Variants in PHF24 observed in about 807,000 individuals in gnomAD.
The protein encoded by PHF24 is Galpha inhibitory interacting protein.
PHF24 carries 25 observed loss-of-function variants against 42.6 expected under a neutral mutation model. The observed-to-expected ratio is 0.59, with a 90% confidence interval of 0.43 to 0.82. The LOEUF (loss-of-function observed/expected upper bound fraction) is 0.82. Ranked by LOEUF, PHF24 falls within the 40% of genes least tolerant of loss-of-function variation. The pLI, the probability that PHF24 is intolerant of heterozygous loss-of-function variation, is 0.00. For missense variants in PHF24, 470 were observed against 538.1 expected (o/e 0.87, Z 1.25); for synonymous variants, 185 against 204.8 (o/e 0.90, Z 0.83).
the PHF24 span, among the ~76,000 whole-genome samples, chr9:34,703,929 T>G: frequency 2.0e-5 from 3 of 152,066 alleles, no homozygotes; most frequent in African/African-American, 2.4e-5. Context: ...TGTTTTTCAC[T>G]GCAGCCTCGA....
chr9:34,678,120 T>A, the PHF24 span: 1 of 152,162 alleles, frequency 6.6e-6, no homozygotes, highest in Non-Finnish European at 1.5e-5. Context: ...AAAGAGAGAC[T>A]GGCCTAGCCT....
At chr9:34,835,495 G>A in the PHF24 span, 1 of 1,551,956 alleles carries the variant, frequency 6.4e-7, no homozygotes, top group Non-Finnish European at 8.7e-7. Context: ...GATGCATCCG[G>A]TTCAGGGTTT....
At chr9:34,699,583 G>A in the PHF24 span, among the ~76,000 whole-genome samples, 30 of 152,256 alleles carry the variant, frequency 2.0e-4, no homozygotes, top group East Asian at 1.9e-3. Flanking sequence ...TGACACAATC[G>A]TATAGTGCAA....
upstream of PHF24, among the ~76,000 whole-genome samples, chr9:34,956,690 A>G (rs1826381886): frequency 6.6e-6 from 1 of 152,262 alleles, no homozygotes; most frequent in African/African-American, 2.4e-5. Flanking sequence ...AGAGAAGTCT[A>G]TCTGTGAAAC....
At chr9:34,874,547 G>C in the PHF24 span, among the ~76,000 whole-genome samples, 1 of 151,970 alleles carries the variant, frequency 6.6e-6, no homozygotes, top group South Asian at 2.1e-4. Flanking sequence ...GATTGACTCT[G>C]TTTTTTTCTC....
At chr9:34,791,992 A>C in the PHF24 span, among the ~76,000 whole-genome samples, 1 of 152,224 alleles carries the variant, frequency 6.6e-6, no homozygotes, top group Non-Finnish European at 1.5e-5. Context: ...TAAAGGAAGC[A>C]CTTTTGTGTT....
At chr9:34,915,417 T>TC in the PHF24 span, among the ~76,000 whole-genome samples, 1 of 152,030 alleles carries the variant, frequency 6.6e-6, no homozygotes, top group African/African-American at 2.4e-5. Flanking sequence ...CTTTTTTTTT[T>TC]TTCATCCTTG....
the PHF24 span, among the ~76,000 whole-genome samples, chr9:34,719,241 G>A: frequency 6.6e-5 from 10 of 152,170 alleles, no homozygotes; most frequent in African/African-American, 1.4e-4. Context: ...GTTTCACTAC[G>A]TTGGCCAGAT....
chr9:34,753,933 T>C, the PHF24 span, among the ~76,000 whole-genome samples: 6 of 152,144 alleles, frequency 3.9e-5, no homozygotes, highest in Admixed American at 3.3e-4. Context: ...TGGAAATCCA[T>C]ATGCAGAAGA....
chr9:34,768,720 A>C, the PHF24 span, among the ~76,000 whole-genome samples: 1 of 152,196 alleles, frequency 6.6e-6, no homozygotes, highest in Non-Finnish European at 1.5e-5. Flanking sequence ...CTTGCTCTTC[A>C]TTGCCTTTGT....
the PHF24 span, among the ~76,000 whole-genome samples, chr9:34,827,312 C>G: frequency 6.6e-6 from 1 of 152,190 alleles, no homozygotes; most frequent in Non-Finnish European, 1.5e-5. Context: ...ACAAGACCTC[C>G]TTTGATCTTT....
the PHF24 span, chr9:34,724,100 T>C: frequency 6.5e-7 from 1 of 1,528,816 alleles, no homozygotes; most frequent in Non-Finnish European, 8.8e-7. Context: ...GTCCTCTCTG[T>C]TTCCTGCTAG....
chr9:34,681,331 C>G, the PHF24 span: 1 of 152,176 alleles, frequency 6.6e-6, no homozygotes, highest in East Asian at 1.9e-4. Flanking sequence ...GTGGTGGTTA[C>G]CAGGTGTTAG....
At chr9:34,966,297 T>G (rs1826764962) in intron 1 of PHF24, among the ~76,000 whole-genome samples, 1 of 152,152 alleles carries the variant, frequency 6.6e-6, no homozygotes, top group Non-Finnish European at 1.5e-5. Flanking sequence ...GTTTAAAAAA[T>G]TAAATCAAGC....
chr9:34,893,665 C>T, the PHF24 span, among the ~76,000 whole-genome samples: 8 of 151,886 alleles, frequency 5.3e-5, no homozygotes, highest in South Asian at 2.1e-4. Context: ...GCTGGGCTGA[C>T]GATCTAGAGC....
the PHF24 span, among the ~76,000 whole-genome samples, chr9:34,741,902 G>T: frequency 6.6e-6 from 1 of 152,100 alleles, no homozygotes; most frequent in Non-Finnish European, 1.5e-5. Context: ...TTTAAATGGG[G>T]GGGTGGGGAG....
the PHF24 span, among the ~76,000 whole-genome samples, chr9:34,778,333 A>G: frequency 6.6e-6 from 1 of 152,254 alleles, no homozygotes. Context: ...AGAAATTGTC[A>G]GATTGGGTTA....
At chr9:34,852,278 A>G in the PHF24 span, among the ~76,000 whole-genome samples, 7 of 152,244 alleles carry the variant, frequency 4.6e-5, no homozygotes, top group African/African-American at 1.7e-4. Context: ...TTTGGTCAAC[A>G]GTAGGCTATT....
the PHF24 span, among the ~76,000 whole-genome samples, chr9:34,797,859 C>T: frequency 2.0e-5 from 3 of 151,820 alleles, no homozygotes; most frequent in Non-Finnish European, 4.4e-5. Flanking sequence ...AGGGACCATG[C>T]CCTCCTCTAC....
Sources: allele counts gnomAD v4.1 joint callset (sites outside exome capture counted in the v4.1 genomes callset), GRCh38; gene constraint gnomAD v4.1.1; transcripts MANE v1.5; gene names NCBI Gene and HGNC (gene_info 2026-07-23, HGNC 2026-07-21).